DISC1: variants seen among roughly 807,000 people sequenced by gnomAD.
DISC1 encodes the protein DISC1 scaffold protein.
DISC1 carries 57 observed loss-of-function variants against 84.5 expected under a neutral mutation model. The ratio of observed to expected loss-of-function variants is 0.67; its 90% CI spans 0.55 to 0.84. DISC1 has a LOEUF of 0.84. Among genes scored for constraint, DISC1 ranks in the 40% least tolerant of loss-of-function variants. The pLI, the probability that DISC1 is intolerant of heterozygous loss-of-function variation, is 0.00. For missense variants in DISC1, 1,000 were observed against 1,057.8 expected (o/e 0.95, Z 0.76); for synonymous variants, 411 against 415.2 (o/e 0.99, Z 0.12).
chr1:231,666,869 T>C (rs1345595066), intron 1 of DISC1, among the ~76,000 whole-genome samples: 1 of 152,148 alleles, frequency 6.6e-6, no homozygotes, highest in Non-Finnish European at 1.5e-5. Flanking sequence ...CTGAGGTGAT[T>C]AGTAGTTCTC....
At chr1:231,915,955 C>G (rs187692152) in intron 9 of DISC1, among the ~76,000 whole-genome samples, 4 of 152,282 alleles carry the variant, frequency 2.6e-5, no homozygotes, top group Admixed American at 2.6e-4. Flanking sequence ...TGACATGAAT[C>G]TGTATTTACA....
chr1:231,900,956 G>T (rs1374629446), intron 9 of DISC1, among the ~76,000 whole-genome samples: 1 of 152,204 alleles, frequency 6.6e-6, no homozygotes, highest in Non-Finnish European at 1.5e-5. Flanking sequence ...GTCTGCCATG[G>T]GTTTGGTTGT....
rs117884450 is a variant in DISC1 at position 231,818,345 on chromosome 1, G to A, written c.1809G>A (p.Thr603=). 3.1e-5 allele frequency: 50 copies of A among 1,613,908 alleles called. No individual in the cohort carries two copies. In the East Asian group the frequency reaches 8.9e-4, roughly 29 times the overall value. The change falls in exon 9 of 13, where the codon ACG becomes ACA. Residue 603 remains threonine, a synonymous_variant. Coordinates refer to ENST00000439617, the MANE Select transcript of DISC1 (RefSeq NM_018662.3). ...MHAISGNHFW[T]AKDLTEEIRS... is the part of the protein sequence containing the mutation. ...GTGCTGTAGGAAACCATTTCTGGACGGCTAAAGACCTCACCGAGGAGATTA... is the reference window on the plus strand; with the variant it reads ...GTGCTGTAGGAAACCATTTCTGGACAGCTAAAGACCTCACCGAGGAGATTA...
rs377133869 is a variant in DISC1 at position 232,019,549 on chromosome 1, A to G, written c.2308-6886A>G. On this transcript the variant is annotated intron_variant, in intron 11 of 12. Transcript: ENST00000439617. ...TGGGTGGTATTTTTAATTATCAAGT[A>G]TCAGTCTTGCAGGCTTTCTCTTTTT... Among the ~76,000 whole-genome samples, 36 of 152,276 alleles carry G rather than the reference A, an allele frequency of 2.4e-4. No homozygotes were observed. In the East Asian group the frequency reaches 4.6e-3, roughly 20 times the overall value.
At chr1:232,010,318 G>A (rs821621) in intron 11 of DISC1, among the ~76,000 whole-genome samples, 42,992 of 152,058 alleles carry the variant, frequency 0.28, 6,367 homozygotes, top group African/African-American at 0.33. Context: ...TTCTGGGGTG[G>A]AGGGAAGTGC....
In DISC1 at chr1:231,897,538, A is replaced by G. The variant is rs1297682292; in HGVS notation, c.1982-61290A>G. On this transcript the variant is annotated intron_variant, in intron 9 of 12. Coordinates refer to ENST00000439617, the MANE Select transcript of DISC1 (RefSeq NM_018662.3). The surrounding 1 kb of genome is among the most constrained non-coding windows in gnomAD (Gnocchi z 4.5). ...TTCTTTATCTTTTTTTTTTCCTTTA[A>G]CAACCTCCAGCCTATTTGTGGCATC... Among the ~76,000 whole-genome samples, 3 of 151,960 alleles carry G rather than the reference A, an allele frequency of 2.0e-5. No homozygotes were observed. The highest frequency in any genetic ancestry group is 4.4e-5 in the Non-Finnish European group (3 of 67,970).
chr1:231,910,690 T>C (rs2089127628), intron 9 of DISC1, among the ~76,000 whole-genome samples: 2 of 152,188 alleles, frequency 1.3e-5, no homozygotes. Context: ...GTGTATTAGG[T>C]CTGCTTGGTG....
intron 1 of DISC1, chr1:231,629,323 A>T (rs2058516974): frequency 6.5e-6 from 1 of 152,712 alleles, no homozygotes; most frequent in African/African-American, 2.4e-5. Context: ...GTAACCGGAA[A>T]TCGAGGCGTT....
intron 10 of DISC1, among the ~76,000 whole-genome samples, chr1:231,986,208 C>G (rs199622259): frequency 3.9e-5 from 6 of 152,170 alleles, no homozygotes; most frequent in Non-Finnish European, 8.8e-5. Context: ...CTAATTCACC[C>G]CTCCCTGTCC....
At chr1:231,941,706 C>T (rs1371759667) in intron 9 of DISC1, among the ~76,000 whole-genome samples, 2 of 151,960 alleles carry the variant, frequency 1.3e-5, no homozygotes, top group South Asian at 2.1e-4. Flanking sequence ...CTCTTGACCT[C>T]GTGATCTGCC....
chr1:231,844,025 G>C (rs1326143576), intron 9 of DISC1, among the ~76,000 whole-genome samples: 2 of 152,226 alleles, frequency 1.3e-5, no homozygotes, highest in Non-Finnish European at 2.9e-5. Flanking sequence ...TTAATCTTTA[G>C]GGGACAGGCA....
rs552739090 is a variant in DISC1, at chr1:232,028,859, T to C, written c.2425+2307T>C. On this transcript the variant is annotated intron_variant, in intron 12 of 12. Transcript: ENST00000439617. ...ATCAGTAACTCCACAGTGGCTTAGA[T>C]GAAAAGTCATTTAATTATAATAAAA... 8.5e-5 allele frequency among the ~76,000 whole-genome samples: 13 copies of C among 152,270 alleles called. No homozygotes were observed. In the South Asian group the frequency reaches 2.7e-3, roughly 32 times the overall value.
chr1:231,856,192 A>T (rs1483545723), intron 9 of DISC1, among the ~76,000 whole-genome samples: 1 of 152,142 alleles, frequency 6.6e-6, no homozygotes, highest in Non-Finnish European at 1.5e-5. Context: ...TTGCAGATTT[A>T]TGTGTCACAG....
intron 4 of DISC1, among the ~76,000 whole-genome samples, chr1:231,764,045 G>A (rs750087460): frequency 1.3e-5 from 2 of 152,192 alleles, no homozygotes; most frequent in Non-Finnish European, 2.9e-5. Flanking sequence ...GCAGCTTCAC[G>A]CTTCTCCTCA....
At chr1:231,952,711 ATATG>A (rs140156096) in intron 9 of DISC1, among the ~76,000 whole-genome samples, 8,389 of 145,148 alleles carry the variant, frequency 0.058, 465 homozygotes, top group African/African-American at 0.15. Context: ...ATATATATAT[ATATG>A]TATATATATA....
At chr1:232,018,407 G>A (rs1374083073) in intron 11 of DISC1, among the ~76,000 whole-genome samples, 1 of 152,210 alleles carries the variant, frequency 6.6e-6, no homozygotes, top group Non-Finnish European at 1.5e-5. Flanking sequence ...TGGAATTTGT[G>A]ACTGTTCTTC....
intron 3 of DISC1, chr1:231,722,777 G>C: frequency 1.4e-6 from 2 of 1,477,596 alleles, no homozygotes; most frequent in Non-Finnish European, 1.8e-6. Flanking sequence ...GATAGCAGCT[G>C]TCTGGATGCT....
intron 9 of DISC1, among the ~76,000 whole-genome samples, chr1:231,850,504 A>G (rs1275758464): frequency 6.6e-6 from 1 of 152,272 alleles, no homozygotes; most frequent in Non-Finnish European, 1.5e-5. Flanking sequence ...AGCACAAAGT[A>G]GAACCTGACA....
intron 8 of DISC1, among the ~76,000 whole-genome samples, chr1:231,803,130 TG>T (rs1236458538): frequency 6.6e-6 from 1 of 152,160 alleles, no homozygotes; most frequent in Non-Finnish European, 1.5e-5. Context: ...GTGGCTCAAC[TG>T]GGGTGGGAGA....
Sources: gnomAD v4.1 joint callset for allele counts (sites outside exome capture counted in the v4.1 genomes callset) on GRCh38, gnomAD v4.1.1 for gene constraint, Gnocchi (gnomAD v3.1) non-coding constraint, MANE v1.5 for transcripts, NCBI Gene and HGNC (gene_info 2026-07-23, HGNC 2026-07-21) for gene names.